Variants in DHX40 observed in about 807,000 individuals in gnomAD.
The protein encoded by DHX40 is probable ATP-dependent RNA helicase DHX40.
In DHX40, 28 loss-of-function variants were observed where a neutral mutation model predicts 89.6. That is an observed-to-expected ratio of 0.31 (90% CI 0.23 to 0.43). DHX40 has a LOEUF of 0.43. Ranked by LOEUF, DHX40 falls within the 20% of genes least tolerant of loss-of-function variation. The pLI is 1.00. For synonymous variants in DHX40, 226 were observed against 283.6 expected, an observed-to-expected ratio of 0.80 and a Z score of 2.04; for missense variants, 457 against 844.0, an observed-to-expected ratio of 0.54 and a Z score of 5.68.
intron 15 of DHX40, chr17:59,604,544 A>G (rs1255050697): frequency 6.5e-6 from 1 of 154,406 alleles, no homozygotes; most frequent in Non-Finnish European, 1.4e-5. Context: ...ATAAATTATG[A>G]CAAATGAACT....
At chr17:59,596,386 G>GTGAA in intron 12 of DHX40, among the ~76,000 whole-genome samples, 1 of 152,358 alleles carries the variant, frequency 6.6e-6, no homozygotes, top group Non-Finnish European at 1.5e-5. Flanking sequence ...GGCCAACATG[G>GTGAA]TGAAACCCCA....
rs532412537 is a variant in DHX40, at chr17:59,587,750, G to A, written c.1425-146G>A. On this transcript the variant is annotated intron_variant, in intron 11 of 17. Transcript: ENST00000251241. Reference sequence around the variant, plus strand: ...TAGGATTACAGGCATGAGCCACCACGCCTGGCCTAATTTTCTTAAATTGAA... The same window carrying A: ...TAGGATTACAGGCATGAGCCACCACACCTGGCCTAATTTTCTTAAATTGAA... The A allele has an allele frequency of 4.4e-3, 3,696 of 841,962 alleles. 89 individuals are homozygous for A. In the African/African-American group the frequency reaches 0.055, roughly 13 times the overall value. The allele number at this position is 841,962 out of a possible 1,614,324, so 52.2% of individuals were successfully genotyped here.
chr17:59,602,457 C>G (rs1485289053), intron 14 of DHX40, 65 bp from the exon 15 acceptor site: 2 of 1,400,002 alleles, frequency 1.4e-6, no homozygotes, highest in Non-Finnish European at 2.0e-6. Flanking sequence ...GTGGATTTTT[C>G]AAAATAAAAG....
At chr17:59,603,186 T>C (rs560939910) in intron 15 of DHX40, 1 of 152,264 alleles carries the variant, frequency 6.6e-6, no homozygotes, top group East Asian at 1.9e-4. Context: ...CTCTGTGCTG[T>C]TGGATTGAAA....
chr17:59,607,954 A>G lies in DHX40; in HGVS notation c.*782A>G, dbSNP rs576082770. 2 of 154,418 alleles carry G rather than the reference A, an allele frequency of 1.3e-5. No individual in the cohort carries two copies. Among genetic ancestry groups the G allele is most frequent in the South Asian group, 4.1e-4 (2 of 4,904 alleles). The allele number at this position is 154,418 out of a possible 1,614,324, so 9.6% of individuals were successfully genotyped here. A position where few individuals can be genotyped will look rare whatever the true frequency, so the allele number is the denominator to read the frequency against. On this transcript the variant is annotated 3_prime_UTR_variant, in exon 18 of 18. Coordinates refer to ENST00000251241, the MANE Select transcript of DHX40 (RefSeq NM_024612.5). ...CTACGTACTTATATCAGCACCATGT[A>G]TGTAGGTGTGATAGTACTTTCAAAC... is the stretch of plus-strand genomic sequence containing the variant.
chr17:59,599,018 G>C (rs1300265086), intron 13 of DHX40, among the ~76,000 whole-genome samples, 167 bp downstream of exon 13: 1 of 152,096 alleles, frequency 6.6e-6, no homozygotes, highest in African/African-American at 2.4e-5. Context: ...TGCTTAGTAG[G>C]CATTTATTAT....
chr17:59,598,529 A>G (rs1313613318), intron 12 of DHX40, among the ~76,000 whole-genome samples: 1 of 152,106 alleles, frequency 6.6e-6, no homozygotes, highest in Non-Finnish European at 1.5e-5. Context: ...TAATGTTGCT[A>G]TTCAGGTAAA....
At chr17:59,568,006 A>T (rs2048732441) in intron 2 of DHX40, among the ~76,000 whole-genome samples, 1 of 152,090 alleles carries the variant, frequency 6.6e-6, no homozygotes, top group East Asian at 1.9e-4. Flanking sequence ...AGGCCAGGGC[A>T]GGTGGATCAT....
Position 59,594,732 on chromosome 17 carries a change from T to G in DHX40, c.1583-4005T>G, listed in dbSNP as rs2531939. Among the ~76,000 whole-genome samples the G allele has an allele frequency of 8.5e-4, 129 of 151,180 alleles. 1 individual carries two copies. The highest frequency in any genetic ancestry group is 3.4e-3 in the Middle Eastern group (1 of 294). ...TAGAGGACTGCGTAGGCTGTCATTA[T>G]CTGTTATGCTTTGATCTTCCCTACC... is the stretch of plus-strand genomic sequence containing the variant. On this transcript the variant is annotated intron_variant, in intron 12 of 17. Coordinates refer to ENST00000251241, the MANE Select transcript of DHX40 (RefSeq NM_024612.5).
chr17:59,600,800 T>G (rs912895804), intron 14 of DHX40, among the ~76,000 whole-genome samples: 4 of 150,952 alleles, frequency 2.6e-5, no homozygotes, highest in Admixed American at 2.0e-4. Context: ...TGAGGTATGA[T>G]GCCACTACAC....
intron 2 of DHX40, among the ~76,000 whole-genome samples, chr17:59,569,320 T>C (rs1297173468): frequency 6.8e-6 from 1 of 146,380 alleles, no homozygotes; most frequent in African/African-American, 2.6e-5. Context: ...AGAGCAAGAC[T>C]CTATCTCAAA....
At chr17:59,570,469 G>T in intron 2 of DHX40, 49 bp from the exon 3 acceptor site, 1 of 1,541,276 alleles carries the variant, frequency 6.5e-7, no homozygotes, top group South Asian at 1.2e-5. Context: ...GCTCTAATAG[G>T]AAGACAATTG....
intron 17 of DHX40, 52 bp downstream of exon 17, chr17:59,605,726 G>C: frequency 6.7e-7 from 1 of 1,496,376 alleles, no homozygotes; most frequent in South Asian, 1.2e-5. Context: ...CTGCTTCCCA[G>C]TAGTACTTCA....
chr17:59,591,749 G>T (rs1489140537), intron 12 of DHX40, among the ~76,000 whole-genome samples: 2 of 151,316 alleles, frequency 1.3e-5, no homozygotes, highest in Non-Finnish European at 3.0e-5. Flanking sequence ...TTCTTTTTCT[G>T]AATCATTTAA....
intron 14 of DHX40, among the ~76,000 whole-genome samples, chr17:59,601,678 G>A (rs1356584528): frequency 6.6e-6 from 1 of 151,820 alleles, no homozygotes; most frequent in Admixed American, 6.6e-5. Flanking sequence ...GTGTTTTTTT[G>A]CTTCTTTACA....
chr17:59,577,298 C>A lies in DHX40; in HGVS notation c.1006C>A (p.Pro336Thr), dbSNP rs1209757854. The A allele has an allele frequency of 5.6e-6, 9 of 1,613,736 alleles. No individual in the cohort carries two copies. The highest frequency in any genetic ancestry group is 7.6e-6 in the Non-Finnish European group (9 of 1,179,844). ...GAGGAGGATATTTTTGCCACCACCA[C>A]CTGGAATTAGAAAATGTGTCATATC... The part of the protein sequence containing the change: ...QQRRIFLPPP[P>T]GIRKCVISTN... The change falls in exon 8 of 18, where the codon CCT becomes ACT. Residue 336 changes from proline to threonine, a missense_variant. Coordinates refer to ENST00000251241, the MANE Select transcript of DHX40 (RefSeq NM_024612.5).
At chr17:59,606,325 A>G (rs2030849109) in intron 17 of DHX40, among the ~76,000 whole-genome samples, 1 of 152,180 alleles carries the variant, frequency 6.6e-6, no homozygotes, top group Non-Finnish European at 1.5e-5. Context: ...ATACACAGAA[A>G]ACTTCTTAGT....
chr17:59,588,023 T>C lies in DHX40; in HGVS notation c.1552T>C (p.Leu518=), dbSNP rs773128790. 45 of 1,613,562 alleles carry C rather than the reference T, an allele frequency of 2.8e-5. No homozygotes were observed. The highest frequency in any genetic ancestry group is 1.6e-4 in the Middle Eastern group (1 of 6,076). ...EDLLLPIAAM[L]SVENVFIRPV... is the part of the protein sequence containing the mutation. Reference sequence around the variant, plus strand: ...TCTACTACTTCCAATAGCAGCAATGTTGTCTGTGGAAAACGTCTTCATTAG... The same window carrying C: ...TCTACTACTTCCAATAGCAGCAATGCTGTCTGTGGAAAACGTCTTCATTAG... The change falls in exon 12 of 18, where the codon TTG becomes CTG. Residue 518 remains leucine (L), a synonymous_variant. Transcript: ENST00000251241.
chr17:59,576,501 C>T (rs1015498892), intron 7 of DHX40, among the ~76,000 whole-genome samples: 13 of 152,062 alleles, frequency 8.5e-5, no homozygotes, highest in African/African-American at 2.7e-4. Context: ...GATTCTTATC[C>T]CTATATTAAC....
Sources: gnomAD v4.1 joint callset for allele counts (sites outside exome capture counted in the v4.1 genomes callset) on GRCh38, gnomAD v4.1.1 for gene constraint, MANE v1.5 for transcripts, NCBI Gene and HGNC (gene_info 2026-07-23, HGNC 2026-07-21) for gene names.